The following EXOC4 variants were observed in gnomAD, a reference collection of about 807,000 sequenced individuals.
EXOC4 encodes the protein exocyst complex component 4.
A neutral mutation model predicts 107.2 loss-of-function variants in EXOC4; 71 were observed. That is an observed-to-expected ratio of 0.66 (90% CI 0.55 to 0.81). The LOEUF (loss-of-function observed/expected upper bound fraction) is 0.81, where lower values mean the gene tolerates loss of function less well. Among genes scored for constraint, EXOC4 ranks in the 30% least tolerant of loss-of-function variants. The pLI, the probability that EXOC4 is intolerant of heterozygous loss-of-function variation, is 0.00. For missense variants in EXOC4, 1,108 were observed against 1,189.6 expected (o/e 0.93, Z 1.01); for synonymous variants, 456 against 441.2 (o/e 1.03, Z -0.42).
chr7:133,597,827 A>G (rs144558326), intron 9 of EXOC4, among the ~76,000 whole-genome samples: 1 of 152,028 alleles, frequency 6.6e-6, no homozygotes, highest in Non-Finnish European at 1.5e-5. Flanking sequence ...TCTGGCCAAC[A>G]TGATGAAACC....
At chr7:133,382,085 G>A (rs528576220) in intron 7 of EXOC4, among the ~76,000 whole-genome samples, 9 of 152,246 alleles carry the variant, frequency 5.9e-5, no homozygotes, top group South Asian at 2.1e-4. Flanking sequence ...GAAGATTAAT[G>A]TGGTAGCAAT....
intron 9 of EXOC4, among the ~76,000 whole-genome samples, chr7:133,500,894 G>C (rs1277948356): frequency 6.6e-6 from 1 of 152,122 alleles, no homozygotes; most frequent in African/African-American, 2.4e-5. Flanking sequence ...GGCCTTGGAA[G>C]TTAGAATCAA....
chr7:133,977,487 C>T (rs1793866096), intron 14 of EXOC4, among the ~76,000 whole-genome samples: 1 of 152,102 alleles, frequency 6.6e-6, no homozygotes. Context: ...ATAGATTGTC[C>T]TCCCACTCGT....
At chr7:133,599,649 A>G (rs990493655) in intron 9 of EXOC4, among the ~76,000 whole-genome samples, 5 of 152,156 alleles carry the variant, frequency 3.3e-5, no homozygotes, top group Admixed American at 6.6e-5. Flanking sequence ...GACATTCGTC[A>G]TTTCTGAGAT....
At chr7:133,875,834 C>T (rs1585215491) in intron 11 of EXOC4, among the ~76,000 whole-genome samples, 1 of 152,228 alleles carries the variant, frequency 6.6e-6, no homozygotes, top group African/African-American at 2.4e-5. Context: ...TCATGTCTAC[C>T]ATGATACACC....
intron 17 of EXOC4, among the ~76,000 whole-genome samples, chr7:134,010,826 T>C (rs927564524): frequency 1.7e-4 from 26 of 152,208 alleles, no homozygotes; most frequent in African/African-American, 5.8e-4. Flanking sequence ...ATATAACACC[T>C]TTCTGTAATA....
chr7:133,350,003 C>T (rs889688658), intron 5 of EXOC4, among the ~76,000 whole-genome samples: 1 of 152,090 alleles, frequency 6.6e-6, no homozygotes, highest in African/African-American at 2.4e-5. Flanking sequence ...AATGTCTATT[C>T]AAGTCCCTTG....
chr7:133,324,805 T>TG (rs1326841872), intron 5 of EXOC4, among the ~76,000 whole-genome samples: 2 of 152,182 alleles, frequency 1.3e-5, no homozygotes, highest in African/African-American at 4.8e-5. Flanking sequence ...ATGTTGACAG[T>TG]GGGGTGTTAA....
chr7:133,407,821 G>T lies in EXOC4; in HGVS notation c.1182+32819G>T, dbSNP rs1475575062. ...TAGGTAAGAATGGAGTTCTTGTTGA[G>T]CTCCTAGATTTCTAGATGCACACCT... On this transcript the variant is annotated intron_variant, in intron 7 of 17. Coordinates refer to ENST00000253861, the MANE Select transcript of EXOC4 (RefSeq NM_021807.4). 2.0e-5 allele frequency among the ~76,000 whole-genome samples: 3 copies of T among 152,240 alleles called. No individual in the cohort carries two copies. The South Asian group carries it at 6.2e-4, about 32-fold the overall frequency.
At chr7:133,748,176 C>G (rs941337977) in intron 10 of EXOC4, among the ~76,000 whole-genome samples, 1 of 152,120 alleles carries the variant, frequency 6.6e-6, no homozygotes, top group East Asian at 1.9e-4. Flanking sequence ...TTTTTGTTTT[C>G]ACTGATCAAT....
At chr7:133,755,797 C>A (rs1299121164) in intron 10 of EXOC4, among the ~76,000 whole-genome samples, 1 of 152,274 alleles carries the variant, frequency 6.6e-6, no homozygotes, top group East Asian at 1.9e-4. Flanking sequence ...GCCTCTTAAA[C>A]CATTTCCAAG....
At position 133,420,100 on chromosome 7, in the gene EXOC4, C is replaced by G. The variant is rs538449341; in HGVS notation, c.1182+45098C>G. On this transcript the variant is annotated intron_variant, in intron 7 of 17. Coordinates refer to ENST00000253861, the MANE Select transcript of EXOC4 (RefSeq NM_021807.4). ...TCGTCATCTAGCATTAGGTATATCT[C>G]CTAATGCTATCCCTCCCCCCTCCCC... 9.9e-3 allele frequency among the ~76,000 whole-genome samples: 1,450 copies of G among 145,942 alleles called. 26 individuals carry two copies. The highest frequency in any genetic ancestry group is 0.035 in the African/African-American group (1,380 of 39,346).
chr7:134,052,353 A>G (rs1382331978), intron 17 of EXOC4, among the ~76,000 whole-genome samples: 1 of 152,194 alleles, frequency 6.6e-6, no homozygotes, highest in East Asian at 1.9e-4. Flanking sequence ...GTTAAAAATA[A>G]AACAAAAACC....
intron 10 of EXOC4, among the ~76,000 whole-genome samples, chr7:133,684,088 A>C (rs889357955): frequency 6.6e-6 from 1 of 152,068 alleles, no homozygotes; most frequent in Non-Finnish European, 1.5e-5. Flanking sequence ...TGCTTATCCA[A>C]ATTATTTAGA....
chr7:133,898,589 C>CA (rs1339758234), intron 12 of EXOC4, among the ~76,000 whole-genome samples: 29 of 151,180 alleles, frequency 1.9e-4, no homozygotes, highest in Non-Finnish European at 2.8e-4. Context: ...ACTAAAAATA[C>CA]AAAAAAAATT....
chr7:133,849,328 G>A (rs1798196092), intron 11 of EXOC4, among the ~76,000 whole-genome samples: 1 of 152,128 alleles, frequency 6.6e-6, no homozygotes, highest in Non-Finnish European at 1.5e-5. Context: ...GTTGAGGTGG[G>A]AGGATTGTTT....
chr7:133,948,194 A>G (rs946556629), intron 14 of EXOC4, among the ~76,000 whole-genome samples: 4 of 152,316 alleles, frequency 2.6e-5, no homozygotes, highest in Middle Eastern at 3.4e-3. Flanking sequence ...TGATTGTGCT[A>G]TTCAATCTGG....
chr7:133,352,295 G>A (rs377399040), intron 5 of EXOC4, among the ~76,000 whole-genome samples: 113 of 152,002 alleles, frequency 7.4e-4, no homozygotes, highest in Middle Eastern at 3.4e-3. Context: ...GTAGAACTGC[G>A]TATTTCTGCC....
chr7:133,720,483 A>T (rs1228116337), intron 10 of EXOC4, among the ~76,000 whole-genome samples: 1 of 152,164 alleles, frequency 6.6e-6, no homozygotes, highest in African/African-American at 2.4e-5. Context: ...AAAACAGTCG[A>T]CCATAGGATC....
Sources: gnomAD v4.1 joint callset for allele counts (sites outside exome capture counted in the v4.1 genomes callset) on GRCh38, gnomAD v4.1.1 for gene constraint, MANE v1.5 for transcripts, NCBI Gene and HGNC (gene_info 2026-07-23, HGNC 2026-07-21) for gene names.